SNTG2: variants seen among roughly 807,000 people sequenced by gnomAD.
SNTG2 encodes gamma-2-syntrophin.
A neutral mutation model predicts 70.9 loss-of-function variants in SNTG2; 74 were observed. The observed-to-expected ratio is 1.04, with a 90% CI of 0.86 to 1.27. The LOEUF (loss-of-function observed/expected upper bound fraction) is 1.27. Ranked by LOEUF, SNTG2 falls within the 50% of genes most tolerant of loss-of-function variation. The pLI, the probability that SNTG2 is intolerant of heterozygous loss-of-function variation, is 0.00. For synonymous variants in SNTG2, 278 were observed against 273.8 expected (o/e 1.02, Z -0.15); for missense variants, 717 against 690.7 (o/e 1.04, Z -0.43).
At chr2:1,168,378 A>G (rs907715447) in intron 7 of SNTG2, among the ~76,000 whole-genome samples, 3 of 152,250 alleles carry the variant, frequency 2.0e-5, no homozygotes, top group Admixed American at 2.0e-4. Context: ...CTAGGGCTTC[A>G]GGAGCTGGAA....
At chr2:1,062,891 T>TAC (rs1268662864) in intron 1 of SNTG2, among the ~76,000 whole-genome samples, 1 of 152,202 alleles carries the variant, frequency 6.6e-6, no homozygotes, top group Non-Finnish European at 1.5e-5. Context: ...CCCATATATA[T>TAC]ACATATACAC....
intron 2 of SNTG2, among the ~76,000 whole-genome samples, chr2:1,089,832 T>G (rs1488944162): frequency 2.0e-5 from 3 of 152,162 alleles, no homozygotes; most frequent in African/African-American, 7.2e-5. Flanking sequence ...CTAAAAAAAT[T>G]GAAGTGAGCA....
chr2:1,266,887 A>G (rs1367464623), intron 13 of SNTG2, among the ~76,000 whole-genome samples: 1 of 151,440 alleles, frequency 6.6e-6, no homozygotes, highest in African/African-American at 2.4e-5. Context: ...CCAAATAGCT[A>G]GAACTACAAG....
At chr2:1,207,928 A>G (rs1378664540) in intron 8 of SNTG2, among the ~76,000 whole-genome samples, 2 of 152,264 alleles carry the variant, frequency 1.3e-5, no homozygotes, top group Non-Finnish European at 2.9e-5. Context: ...AGTCTCAAAT[A>G]ACGTTCTAAT....
At chr2:983,397 G>C (rs1661198282) in intron 1 of SNTG2, among the ~76,000 whole-genome samples, 2 of 150,896 alleles carry the variant, frequency 1.3e-5, no homozygotes, top group Admixed American at 6.6e-5. Flanking sequence ...CTCTTTAGCA[G>C]AAGCTGCAGA....
intron 1 of SNTG2, among the ~76,000 whole-genome samples, chr2:1,047,560 GC>G (rs1661809352): frequency 6.6e-6 from 1 of 152,170 alleles, no homozygotes; most frequent in Non-Finnish European, 1.5e-5. Context: ...TTTTCAGAGG[GC>G]CAAGGCTTTG....
intron 4 of SNTG2, among the ~76,000 whole-genome samples, chr2:1,123,719 A>C (rs1472388634): frequency 1.3e-5 from 2 of 152,234 alleles, no homozygotes; most frequent in Non-Finnish European, 2.9e-5. Context: ...GACTACATCA[A>C]ACTGAAGTTC....
intron 8 of SNTG2, among the ~76,000 whole-genome samples, chr2:1,193,294 A>G (rs1338328208): frequency 6.6e-6 from 1 of 152,174 alleles, no homozygotes; most frequent in African/African-American, 2.4e-5. Context: ...GCAGGTGGAC[A>G]ACTGGGGAGG....
chr2:1,308,696 T>A, intron 15 of SNTG2, 110 bp downstream of exon 15: 1 of 897,328 alleles, frequency 1.1e-6, no homozygotes, highest in Non-Finnish European at 1.8e-6. Flanking sequence ...CTTGCTGGAT[T>A]GTGTATCGTG....
intron 4 of SNTG2, among the ~76,000 whole-genome samples, chr2:1,105,286 G>A (rs534738692): frequency 6.6e-6 from 1 of 152,200 alleles, no homozygotes; most frequent in African/African-American, 2.4e-5. Context: ...GAGGGTCTTG[G>A]CTGGGGTTTG....
intron 8 of SNTG2, among the ~76,000 whole-genome samples, chr2:1,195,817 T>A (rs1411484530): frequency 6.6e-6 from 1 of 152,194 alleles, no homozygotes; most frequent in Non-Finnish European, 1.5e-5. Flanking sequence ...TTATTTTTAA[T>A]TGAACATGAA....
At chr2:1,354,958 C>G (rs1660765417) in intron 16 of SNTG2, among the ~76,000 whole-genome samples, 1 of 152,170 alleles carries the variant, frequency 6.6e-6, no homozygotes, top group South Asian at 2.1e-4. Context: ...CACACAAGGT[C>G]GGTTTGACTT....
intron 8 of SNTG2, among the ~76,000 whole-genome samples, chr2:1,178,051 A>G (rs976080022): frequency 1.3e-5 from 2 of 152,296 alleles, no homozygotes; most frequent in Non-Finnish European, 2.9e-5. Context: ...GGAAAAATAC[A>G]TAGATGAAAA....
chr2:1,064,613 A>C (rs1663035388), intron 1 of SNTG2, among the ~76,000 whole-genome samples: 1 of 152,126 alleles, frequency 6.6e-6, no homozygotes, highest in Admixed American at 6.6e-5. Flanking sequence ...ATTTGATGGT[A>C]GTTGGTGATA....
intron 16 of SNTG2, among the ~76,000 whole-genome samples, chr2:1,363,819 A>G (rs929085081): frequency 1.3e-5 from 2 of 152,238 alleles, no homozygotes; most frequent in African/African-American, 4.8e-5. Context: ...TGCCCACAGG[A>G]TGCTTGTTTA....
chr2:1,176,235 T>C (rs1007957349), intron 8 of SNTG2, among the ~76,000 whole-genome samples: 2 of 152,142 alleles, frequency 1.3e-5, no homozygotes, highest in Non-Finnish European at 2.9e-5. Context: ...AATTGCAGAG[T>C]TTAAAAATAG....
At chr2:993,149 T>C (rs1437168389) in intron 1 of SNTG2, among the ~76,000 whole-genome samples, 5 of 150,594 alleles carry the variant, frequency 3.3e-5, no homozygotes, top group Admixed American at 6.6e-5. Context: ...TATGTATACA[T>C]GTGCCATGCT....
chr2:1,262,896 T>G (rs1678521392), intron 13 of SNTG2: 1 of 152,120 alleles, frequency 6.6e-6, no homozygotes, highest in Non-Finnish European at 1.5e-5. Context: ...GCCGCTGACC[T>G]TGAACTTCAG....
chr2:1,227,549 A>G (rs1175353851), intron 9 of SNTG2, among the ~76,000 whole-genome samples: 1 of 152,204 alleles, frequency 6.6e-6, no homozygotes, highest in African/African-American at 2.4e-5. Context: ...TCCGCCACGA[A>G]TCCGTTTCCC....
Sources: gnomAD v4.1 joint callset for allele counts (sites outside exome capture counted in the v4.1 genomes callset) on GRCh38, gnomAD v4.1.1 for gene constraint, MANE v1.5 for transcripts, NCBI Gene and HGNC (gene_info 2026-07-23, HGNC 2026-07-21) for gene names.